The following SLC5A4 variants were observed in gnomAD, a reference collection of about 807,000 sequenced individuals.
SLC5A4 encodes solute carrier family 5 member 4.
SLC5A4 carries 55 observed loss-of-function variants against 70.3 expected under a neutral mutation model. That is an observed-to-expected ratio of 0.78 (90% CI 0.63 to 0.98). The LOEUF (loss-of-function observed/expected upper bound fraction) is 0.98, where lower values mean the gene tolerates loss of function less well. SLC5A4 is among the 50% of genes least tolerant of loss of function. The pLI is 0.00. For missense variants in SLC5A4, 735 were observed against 839.2 expected, an observed-to-expected ratio of 0.88 and a Z score of 1.53; for synonymous variants, 268 against 305.7, an observed-to-expected ratio of 0.88 and a Z score of 1.29.
chr22:32,338,799 A>T, the SLC5A4 span, among the ~76,000 whole-genome samples: 3 of 152,164 alleles, frequency 2.0e-5, no homozygotes, highest in African/African-American at 7.2e-5. Context: ...CGAGACCCAT[A>T]AAACTGTCAC....
intron 11 of SLC5A4, among the ~76,000 whole-genome samples, chr22:32,226,200 G>A (rs1232336189): frequency 6.6e-6 from 1 of 152,048 alleles, no homozygotes; most frequent in Non-Finnish European, 1.5e-5. Context: ...TCCATTTTTT[G>A]TTCTTTTGCT....
chr22:32,270,013 G>A, the SLC5A4 span: 2 of 498,016 alleles, frequency 4.0e-6, no homozygotes, highest in African/African-American at 3.9e-5. Flanking sequence ...GAAGCTTCAG[G>A]AGCCCCCGGC....
chr22:32,333,204 C>CA, the SLC5A4 span, among the ~76,000 whole-genome samples: 29 of 149,266 alleles, frequency 1.9e-4, no homozygotes, highest in Non-Finnish European at 3.6e-4. Context: ...GCACCCCCCC[C>CA]CCAGAAGACT....
chr22:32,239,563 T>TATTTATATATAA (rs1926345369), intron 5 of SLC5A4, among the ~76,000 whole-genome samples: 1 of 21,432 alleles, frequency 4.7e-5, no homozygotes, highest in African/African-American at 2.5e-4. Context: ...TATATATATA[T>TATTTATATATAA]ATATATTTAT....
chr22:32,349,478 T>C, the SLC5A4 span, among the ~76,000 whole-genome samples: 1 of 152,166 alleles, frequency 6.6e-6, no homozygotes, highest in African/African-American at 2.4e-5. Context: ...CCACATAATC[T>C]GAACAATTTT....
At chr22:32,246,972 G>A (rs1452851602) in intron 5 of SLC5A4, among the ~76,000 whole-genome samples, 1 of 152,186 alleles carries the variant, frequency 6.6e-6, no homozygotes, top group Non-Finnish European at 1.5e-5. Flanking sequence ...TACTTTCCTT[G>A]TGGTTCACGT....
At chr22:32,309,888 T>G in the SLC5A4 span, among the ~76,000 whole-genome samples, 1 of 151,200 alleles carries the variant, frequency 6.6e-6, no homozygotes, top group African/African-American at 2.4e-5. Context: ...AAGCTATCTA[T>G]ACCATGTGTG....
At chr22:32,261,410 C>T in the SLC5A4 span, among the ~76,000 whole-genome samples, 16,326 of 152,250 alleles carry the variant, frequency 0.11, 1,444 homozygotes, top group African/African-American at 0.25. Flanking sequence ...TCGTTGTTCC[C>T]AGGAGTGAGG....
In SLC5A4 at chr22:32,255,318, C is replaced by T. The variant is rs147316507; in HGVS notation, c.12G>A (p.Thr4=). 1.3e-3 allele frequency: 2,132 copies of T among 1,614,112 alleles called. 3 individuals carry two copies. Among genetic ancestry groups the T allele is most frequent in the Non-Finnish European group, 1.7e-3 (1,969 of 1,179,986 alleles). The change falls in exon 1 of 15, where the codon ACG becomes ACA. Residue 4 remains threonine, a synonymous_variant. Coordinates refer to ENST00000266086, the MANE Select transcript of SLC5A4 (RefSeq NM_014227.3). The part of the protein sequence containing the change: MAS[T]VSPSTIAETP... Reference sequence around the variant, plus strand: ...TCTCAGCTATGGTGCTGGGGCTAACCGTACTGGCCATGGCTGCAGGCAGTG... The same window carrying T: ...TCTCAGCTATGGTGCTGGGGCTAACTGTACTGGCCATGGCTGCAGGCAGTG...
intron 11 of SLC5A4, among the ~76,000 whole-genome samples, chr22:32,228,524 A>C (rs1376266066): frequency 6.8e-6 from 1 of 146,256 alleles, no homozygotes; most frequent in Non-Finnish European, 1.5e-5. Context: ...CCTGGGCAAA[A>C]AGAGTGAAAC....
At chr22:32,224,205 C>T (rs962160578) in intron 13 of SLC5A4, 62 bp downstream of exon 13, 15 of 1,312,340 alleles carry the variant, frequency 1.1e-5, no homozygotes, top group Admixed American at 5.5e-5. Context: ...CAGGCGTGAG[C>T]CACTGCGCCC....
At chr22:32,339,306 C>T in the SLC5A4 span, among the ~76,000 whole-genome samples, 1 of 152,134 alleles carries the variant, frequency 6.6e-6, no homozygotes, top group Non-Finnish European at 1.5e-5. Flanking sequence ...TGCCACAGGC[C>T]GGGCTCTGTT....
chr22:32,351,559 G>T, the SLC5A4 span, among the ~76,000 whole-genome samples: 2 of 150,862 alleles, frequency 1.3e-5, no homozygotes, highest in African/African-American at 4.9e-5. Flanking sequence ...AAAATTAGCC[G>T]GGCACAGCAG....
At chr22:32,339,496 T>C in the SLC5A4 span, among the ~76,000 whole-genome samples, 2 of 151,858 alleles carry the variant, frequency 1.3e-5, no homozygotes, top group Non-Finnish European at 2.9e-5. Flanking sequence ...TTTGCTAGAG[T>C]AGAGTACAGC....
chr22:32,307,771 C>T, the SLC5A4 span, among the ~76,000 whole-genome samples: 2 of 152,172 alleles, frequency 1.3e-5, no homozygotes, highest in Admixed American at 1.3e-4. Context: ...CAGGGCATGG[C>T]CCCAGCCCAG....
chr22:32,277,671 C>T, the SLC5A4 span, among the ~76,000 whole-genome samples: 3 of 152,228 alleles, frequency 2.0e-5, no homozygotes, highest in Admixed American at 2.0e-4. Context: ...CCTCAGCCTC[C>T]CGAGTAGCTG....
At chr22:32,318,086 C>T in the SLC5A4 span, among the ~76,000 whole-genome samples, 5 of 152,110 alleles carry the variant, frequency 3.3e-5, no homozygotes, top group African/African-American at 4.8e-5. Flanking sequence ...GGACACTGCA[C>T]TCCCCTCTCC....
chr22:32,282,031 C>T, the SLC5A4 span, among the ~76,000 whole-genome samples: 2 of 151,830 alleles, frequency 1.3e-5, no homozygotes, highest in Non-Finnish European at 2.9e-5. Context: ...TTAGTAGAGA[C>T]GGCGTTTCAC....
At chr22:32,272,523 C>A in the SLC5A4 span, 1 of 675,230 alleles carries the variant, frequency 1.5e-6, no homozygotes. Context: ...GAGAGCAAGA[C>A]GCTGAGCCTC....
Sources: allele counts gnomAD v4.1 joint callset (sites outside exome capture counted in the v4.1 genomes callset), GRCh38; gene constraint gnomAD v4.1.1; transcripts MANE v1.5; gene names NCBI Gene and HGNC (gene_info 2026-07-23, HGNC 2026-07-21).